Variants in TRIM43B observed in about 807,000 individuals in gnomAD.
The protein encoded by TRIM43B is tripartite motif containing 43B.
Under a neutral mutation model 27.0 loss-of-function variants are expected in TRIM43B, and 15 were observed. The ratio of observed to expected loss-of-function variants is 0.55; its 90% CI spans 0.37 to 0.85. The LOEUF (loss-of-function observed/expected upper bound fraction) is 0.85. TRIM43B is among the 40% of genes least tolerant of loss of function. TRIM43B has a pLI of 0.00. For synonymous variants in TRIM43B, 69 were observed against 97.8 expected (o/e 0.71, Z 1.74); for missense variants, 172 against 289.8 (o/e 0.59, Z 2.95).
chr2:95,480,271 A>G, intron 4 of TRIM43B, 34 bp downstream of exon 4: 2 of 1,556,018 alleles, frequency 1.3e-6, no homozygotes, highest in Non-Finnish European at 1.7e-6. Flanking sequence ...GTCAGCTAAC[A>G]CAAAGTGTCT....
rs749305762 is a variant in TRIM43B at position 95,482,637 on chromosome 2, G to C, written c.78C>G (p.Val26=). ...AGAAGCTGTGCCCACAGCAGATGGTGACAGGGTCTACCAGGTAGTTCAAAC... is the reference window on the plus strand; with the variant it reads ...AGAAGCTGTGCCCACAGCAGATGGTCACAGGGTCTACCAGGTAGTTCAAAC... The change falls in exon 2 of 7, where the codon GTC becomes GTG. Residue 26 remains valine, a synonymous_variant. Transcript: ENST00000639673. 2.5e-6 allele frequency: 4 copies of C among 1,613,744 alleles called. No homozygotes were observed. The South Asian group carries it at 4.4e-5, about 18-fold the overall frequency.
At chr2:95,484,195 C>A (rs62155085) in intron 1 of TRIM43B, among the ~76,000 whole-genome samples, 20,292 of 151,526 alleles carry the variant, frequency 0.13, 1,810 homozygotes, top group African/African-American at 0.24. Flanking sequence ...ATAATGAAAC[C>A]CCGTCTCTAC....
intron 3 of TRIM43B, among the ~76,000 whole-genome samples, chr2:95,480,973 G>A (rs1683511780): frequency 6.6e-6 from 1 of 151,990 alleles, no homozygotes; most frequent in Non-Finnish European, 1.5e-5. Context: ...CTCTCAAACC[G>A]ACTACCTCTT....
At chr2:95,482,258 C>G (rs1683541030) in intron 2 of TRIM43B, 46 bp downstream of exon 2, 2 of 1,571,900 alleles carry the variant, frequency 1.3e-6, no homozygotes, top group Non-Finnish European at 8.6e-7. Flanking sequence ...ATCTCTTTAA[C>G]TCTGCCACCC....
intron 3 of TRIM43B, 46 bp from the exon 4 acceptor site, chr2:95,480,581 C>A (rs759317065): frequency 5.0e-6 from 8 of 1,600,792 alleles, no homozygotes; most frequent in Non-Finnish European, 6.8e-6. Context: ...GGCCTACTTC[C>A]ACCTCACAGA....
Position 95,482,734 on chromosome 2 carries a change from C to T in TRIM43B, c.-4-16G>A. On this transcript the variant is annotated splice_polypyrimidine_tract_variant and intron_variant, in intron 1 of 6. Coordinates refer to ENST00000639673, the Ensembl canonical transcript of TRIM43B. Reference sequence around the variant, plus strand: ...GTCCATTTTCCTAAGGAAAGAAAACCACAGGAATTTAATCTTCTACCCTGG... The same window carrying T: ...GTCCATTTTCCTAAGGAAAGAAAACTACAGGAATTTAATCTTCTACCCTGG... 2 of 1,577,346 alleles carry T rather than the reference C, an allele frequency of 1.3e-6. No homozygotes were observed. The highest frequency in any genetic ancestry group is 1.7e-6 in the Non-Finnish European group (2 of 1,166,476).
intron 1 of TRIM43B, among the ~76,000 whole-genome samples, chr2:95,484,194 C>T (rs1245196762): frequency 3.3e-5 from 5 of 151,246 alleles, no homozygotes; most frequent in East Asian, 3.9e-4. Context: ...CATAATGAAA[C>T]CCCGTCTCTA....
At chr2:95,483,748 A>C (rs1382345521) in intron 1 of TRIM43B, among the ~76,000 whole-genome samples, 1 of 152,038 alleles carries the variant, frequency 6.6e-6, no homozygotes, top group Non-Finnish European at 1.5e-5. Flanking sequence ...GAATGGCGTG[A>C]ACCCGGGAGG....
intron 1 of TRIM43B, among the ~76,000 whole-genome samples, chr2:95,484,067 TTA>T (rs1491375000): frequency 1.0e-4 from 11 of 109,470 alleles, no homozygotes; most frequent in African/African-American, 3.5e-4. Flanking sequence ...TTATATAAAT[TTA>T]AAAAAAAAAA....
intron 3 of TRIM43B, 86 bp downstream of exon 3, chr2:95,481,509 G>T: frequency 9.8e-7 from 1 of 1,023,620 alleles, no homozygotes; most frequent in South Asian, 1.9e-5. Flanking sequence ...TCTGGCATAT[G>T]AGAATTTCAA....
intron 3 of TRIM43B, among the ~76,000 whole-genome samples, chr2:95,481,333 T>C (rs555792163): frequency 6.6e-6 from 1 of 152,188 alleles, no homozygotes; most frequent in Non-Finnish European, 1.5e-5. Context: ...TAATTCATTT[T>C]ATACAGAAAA....
chr2:95,480,813 T>A (rs1192235955), intron 3 of TRIM43B, among the ~76,000 whole-genome samples: 1 of 152,158 alleles, frequency 6.6e-6, no homozygotes, highest in Admixed American at 6.6e-5. Flanking sequence ...ATAATACACA[T>A]AATCTTTGTT....
chr2:95,482,994 C>A (rs1228700709), intron 1 of TRIM43B, among the ~76,000 whole-genome samples: 2 of 152,022 alleles, frequency 1.3e-5, no homozygotes, highest in African/African-American at 2.4e-5. Context: ...GTGTTAGTAT[C>A]CACCAAATTG....
intron 1 of TRIM43B, 22 bp downstream of exon 1, chr2:95,484,584 T>A (rs540038982): frequency 7.2e-5 from 11 of 152,222 alleles, no homozygotes; most frequent in Non-Finnish European, 1.0e-4. Flanking sequence ...AGTAGATCCT[T>A]CTCTGGAAAT....
At chr2:95,481,483 T>A (rs1683521268) in intron 3 of TRIM43B, 112 bp downstream of exon 3, 1 of 834,422 alleles carries the variant, frequency 1.2e-6, no homozygotes, top group Non-Finnish European at 1.8e-6. Context: ...AGCCTATGAA[T>A]AAACACATGA....
intron 1 of TRIM43B, 25 bp from the exon 2 acceptor site, chr2:95,482,743 T>G (rs1255054994): frequency 1.3e-6 from 2 of 1,570,264 alleles, no homozygotes; most frequent in East Asian, 2.2e-5. Flanking sequence ...CCACAGGAAT[T>G]TAATCTTCTA....
intron 1 of TRIM43B, among the ~76,000 whole-genome samples, chr2:95,484,265 T>C (rs978103441): frequency 9.9e-5 from 15 of 151,954 alleles, no homozygotes; most frequent in African/African-American, 3.6e-4. Context: ...CCAGCTACTC[T>C]GGAGGCGGAG....
At position 95,483,857 on chromosome 2, in the gene TRIM43B, G is replaced by T. The variant is rs1291626211; in HGVS notation, c.-5+749C>A. ...CCAAAACAAAAACAAAAACAAAAACGAGGCACTAGACAGTTAAGTCAGCGT... is the reference window on the plus strand; with the variant it reads ...CCAAAACAAAAACAAAAACAAAAACTAGGCACTAGACAGTTAAGTCAGCGT... On this transcript the variant is annotated intron_variant, in intron 1 of 6. Coordinates refer to ENST00000639673, the Ensembl canonical transcript of TRIM43B. 4.6e-5 allele frequency among the ~76,000 whole-genome samples: 7 copies of T among 151,702 alleles called. 1 individual carries two copies. Among genetic ancestry groups the T allele is most frequent in the Non-Finnish European group, 7.4e-5 (5 of 67,914 alleles).
chr2:95,484,156 A>T (rs750459809), intron 1 of TRIM43B, among the ~76,000 whole-genome samples: 5 of 151,550 alleles, frequency 3.3e-5, no homozygotes, highest in Non-Finnish European at 7.4e-5. Flanking sequence ...GGATCACAAG[A>T]TCAAGAGATG....
Sources: allele counts gnomAD v4.1 joint callset (sites outside exome capture counted in the v4.1 genomes callset), GRCh38; gene constraint gnomAD v4.1.1; transcripts MANE v1.5; gene names NCBI Gene and HGNC (gene_info 2026-07-23, HGNC 2026-07-21).